SUGCT: variants seen among roughly 807,000 people sequenced by gnomAD.
The protein encoded by SUGCT is succinyl-CoA:glutarate CoA-transferase.
A neutral mutation model predicts 55.0 loss-of-function variants in SUGCT; 41 were observed. That is an observed-to-expected ratio of 0.74 (90% CI 0.58 to 0.97). The LOEUF (loss-of-function observed/expected upper bound fraction) is 0.97. Among genes scored for constraint, SUGCT ranks in the 50% least tolerant of loss-of-function variants. SUGCT has a pLI of 0.00. For synonymous variants in SUGCT, 187 were observed against 200.4 expected (o/e 0.93, Z 0.56); for missense variants, 568 against 547.8 (o/e 1.04, Z -0.37).
At chr7:40,961,262 C>T in the SUGCT span, among the ~76,000 whole-genome samples, 1 of 152,172 alleles carries the variant, frequency 6.6e-6, no homozygotes, top group Non-Finnish European at 1.5e-5. Context: ...TATGTAGGCC[C>T]TTTCTAAGGG....
the SUGCT span, among the ~76,000 whole-genome samples, chr7:41,009,403 AG>A: frequency 6.6e-6 from 1 of 152,202 alleles, no homozygotes; most frequent in Non-Finnish European, 1.5e-5. Context: ...CCCAAATCAT[AG>A]GCCTAGTGCC....
chr7:40,734,159 A>C (rs773636592), intron 12 of SUGCT, among the ~76,000 whole-genome samples: 2 of 152,232 alleles, frequency 1.3e-5, no homozygotes, highest in African/African-American at 4.8e-5. Flanking sequence ...CTTGCATCTT[A>C]CTATACCTAA....
intron 12 of SUGCT, among the ~76,000 whole-genome samples, chr7:40,546,444 T>A (rs1342205375): frequency 6.6e-6 from 1 of 152,202 alleles, no homozygotes; most frequent in African/African-American, 2.4e-5. Context: ...GTAAAGAGTT[T>A]GCCAAAAGTC....
intron 8 of SUGCT, among the ~76,000 whole-genome samples, chr7:40,301,450 A>G (rs938864325): frequency 2.0e-5 from 3 of 152,190 alleles, no homozygotes; most frequent in Non-Finnish European, 4.4e-5. Flanking sequence ...TTTTGCTTGA[A>G]GCGTAAACAC....
At chr7:40,165,823 TAAC>T (rs1784397801) in intron 1 of SUGCT, among the ~76,000 whole-genome samples, 2 of 152,138 alleles carry the variant, frequency 1.3e-5, no homozygotes, top group South Asian at 4.1e-4. Flanking sequence ...ATGATAATCA[TAAC>T]AATTGCAGGC....
intron 12 of SUGCT, among the ~76,000 whole-genome samples, chr7:40,702,918 G>T (rs1785228408): frequency 6.6e-6 from 1 of 152,104 alleles, no homozygotes; most frequent in South Asian, 2.1e-4. Flanking sequence ...GAATATTTGG[G>T]TTCTGTTTTT....
chr7:40,536,436 A>G (rs1044192778), intron 12 of SUGCT, among the ~76,000 whole-genome samples: 8 of 152,196 alleles, frequency 5.3e-5, no homozygotes, highest in African/African-American at 1.2e-4. Context: ...TATTTTGTCA[A>G]TTAAGTAGGA....
chr7:40,149,640 G>T (rs995326739), intron 1 of SUGCT, among the ~76,000 whole-genome samples: 1 of 152,082 alleles, frequency 6.6e-6, no homozygotes, highest in Admixed American at 6.5e-5. Flanking sequence ...AAAATCGGCC[G>T]GGCATGGTAG....
intron 12 of SUGCT, among the ~76,000 whole-genome samples, chr7:40,700,899 C>T (rs1039183416): frequency 2.0e-5 from 3 of 152,068 alleles, no homozygotes; most frequent in African/African-American, 7.2e-5. Flanking sequence ...GAAGAGCCAC[C>T]GCAGAACCAA....
intron 9 of SUGCT, among the ~76,000 whole-genome samples, chr7:40,437,281 AAG>A (rs953080582): frequency 6.6e-6 from 1 of 152,188 alleles, no homozygotes; most frequent in African/African-American, 2.4e-5. Flanking sequence ...GTTGGATTGG[AAG>A]TAAAATTTAA....
At chr7:40,613,767 C>T (rs756004456) in intron 12 of SUGCT, among the ~76,000 whole-genome samples, 10 of 152,110 alleles carry the variant, frequency 6.6e-5, no homozygotes, top group Non-Finnish European at 1.5e-4. Context: ...CCTGCCACCA[C>T]GCCCAGCTAA....
chr7:40,642,453 G>A (rs1800313103), intron 12 of SUGCT, among the ~76,000 whole-genome samples: 1 of 152,080 alleles, frequency 6.6e-6, no homozygotes, highest in Non-Finnish European at 1.5e-5. Flanking sequence ...GGAGAAGGAA[G>A]GGAATGGACA....
chr7:40,316,579 G>A (rs775969196), intron 8 of SUGCT, among the ~76,000 whole-genome samples, 181 bp from the exon 9 acceptor site: 10 of 152,140 alleles, frequency 6.6e-5, no homozygotes, highest in Non-Finnish European at 1.3e-4. Context: ...ATGCAATAGT[G>A]TAATGCCGTT....
intron 12 of SUGCT, among the ~76,000 whole-genome samples, chr7:40,524,793 T>A (rs1793719591): frequency 6.6e-6 from 1 of 152,174 alleles, no homozygotes. Context: ...GCTTTGGTAG[T>A]TGGAGGGCTG....
intron 12 of SUGCT, among the ~76,000 whole-genome samples, chr7:40,601,214 G>A (rs765867954): frequency 3.9e-5 from 6 of 152,110 alleles, no homozygotes; most frequent in Non-Finnish European, 8.8e-5. Flanking sequence ...TAGCTTCCAG[G>A]TGGGAATCTG....
the SUGCT span, among the ~76,000 whole-genome samples, chr7:41,022,217 G>T: frequency 6.6e-6 from 1 of 152,120 alleles, no homozygotes; most frequent in Middle Eastern, 3.4e-3. Flanking sequence ...GAACAAAAAG[G>T]GGTATTCTAA....
At chr7:40,974,036 G>A in the SUGCT span, among the ~76,000 whole-genome samples, 1 of 152,174 alleles carries the variant, frequency 6.6e-6, no homozygotes, top group East Asian at 1.9e-4. Context: ...AATGAGTCCA[G>A]TATTTTCAGA....
In SUGCT at chr7:40,391,834, C is replaced by T. The variant is rs370932675; in HGVS notation, c.817-57453C>T. Among the ~76,000 whole-genome samples, 310 of 152,260 alleles carry T rather than the reference C, an allele frequency of 2.0e-3. 12 individuals carry two copies. In the South Asian group the frequency reaches 0.059, roughly 29 times the overall value. ...ATGCTGCTGTAAAGACACATGCACA[C>T]GTGTGTTTGTTGCGGCACTATTCAC... On this transcript the variant is annotated intron_variant, in intron 9 of 13. Transcript: ENST00000335693.
chr7:40,244,075 A>C (rs1396871584), intron 7 of SUGCT, among the ~76,000 whole-genome samples: 1 of 152,226 alleles, frequency 6.6e-6, no homozygotes, highest in East Asian at 1.9e-4. Context: ...TGGGAGGCTG[A>C]GGCAAGAGAA....
Sources: allele counts gnomAD v4.1 joint callset (sites outside exome capture counted in the v4.1 genomes callset), GRCh38; gene constraint gnomAD v4.1.1; transcripts MANE v1.5; gene names NCBI Gene and HGNC (gene_info 2026-07-23, HGNC 2026-07-21).